COL22A1: variants seen among roughly 807,000 people sequenced by gnomAD.
COL22A1 encodes collagen alpha-1(XXII) chain.
COL22A1 carries 221 observed loss-of-function variants against 248.9 expected under a neutral mutation model. The observed-to-expected ratio is 0.89, with a 90% CI of 0.80 to 0.99. The LOEUF (loss-of-function observed/expected upper bound fraction) is 0.99, where lower values mean the gene tolerates loss of function less well. Among genes scored for constraint, COL22A1 ranks in the 50% least tolerant of loss-of-function variants. The pLI is 0.00. For missense variants in COL22A1, 2,240 were observed against 2,179.0 expected, an observed-to-expected ratio of 1.03 and a Z score of -0.56; for synonymous variants, 891 against 793.4, an observed-to-expected ratio of 1.12 and a Z score of -2.07.
At chr8:138,755,038 G>A (rs1445062283) in intron 21 of COL22A1, 119 bp downstream of exon 21, 11 of 983,272 alleles carry the variant, frequency 1.1e-5, no homozygotes, top group Non-Finnish European at 1.6e-5. Context: ...ACCCACTCAG[G>A]TGATGTGAAG....
chr8:138,617,974 A>G (rs891810876), intron 53 of COL22A1, among the ~76,000 whole-genome samples: 1 of 152,168 alleles, frequency 6.6e-6, no homozygotes, highest in African/African-American at 2.4e-5. Context: ...GGGGCTTGGC[A>G]TCTTCCTCAA....
At chr8:138,656,059 C>A (rs1030824187) in intron 44 of COL22A1, 115 bp from the exon 45 acceptor site, 3 of 814,260 alleles carry the variant, frequency 3.7e-6, no homozygotes, top group South Asian at 1.5e-5. Context: ...ACACACTGCG[C>A]CGTGCGTGGG....
At chr8:138,900,382 T>C (rs1814460321) in intron 1 of COL22A1, among the ~76,000 whole-genome samples, 1 of 152,224 alleles carries the variant, frequency 6.6e-6, no homozygotes, top group Admixed American at 6.5e-5. Context: ...TGGAATTGGC[T>C]TCAGCCCTAC....
chr8:138,604,865 T>A lies in COL22A1; in HGVS notation c.4105-96A>T, dbSNP rs1818303303. On this transcript the variant is annotated intron_variant, in intron 58 of 64. Coordinates refer to ENST00000303045, the MANE Select transcript of COL22A1 (RefSeq NM_152888.3). Reference sequence around the variant, plus strand: ...AACTGACATTTCCACTCAAGTCATGTTCCAGCAAAGACAACAATCGATGGT... The same window carrying A: ...AACTGACATTTCCACTCAAGTCATGATCCAGCAAAGACAACAATCGATGGT... 3 of 1,075,388 alleles carry A rather than the reference T, an allele frequency of 2.8e-6. No individual in the cohort carries two copies. The East Asian group carries it at 7.7e-5, about 27-fold the overall frequency. The allele number at this position is 1,075,388 out of a possible 1,614,324, so 66.6% of individuals were successfully genotyped here.
At chr8:138,792,180 T>C (rs566870206) in intron 12 of COL22A1, among the ~76,000 whole-genome samples, 1 of 152,342 alleles carries the variant, frequency 6.6e-6, no homozygotes, top group African/African-American at 2.4e-5. Context: ...AGGTCCATCC[T>C]GTCCACTCCA....
intron 24 of COL22A1, 110 bp from the exon 25 acceptor site, chr8:138,724,778 C>T: frequency 2.0e-6 from 2 of 977,966 alleles, no homozygotes; most frequent in Non-Finnish European, 3.3e-6. Flanking sequence ...AGGAGGGCAC[C>T]CTGGGGCCTC....
At chr8:138,865,779 G>A (rs1822832053) in intron 3 of COL22A1, among the ~76,000 whole-genome samples, 4 of 145,618 alleles carry the variant, frequency 2.7e-5, no homozygotes. Context: ...GCCTCTGAGT[G>A]TATGTTTGTA....
chr8:138,762,083 A>G (rs1833531693), intron 17 of COL22A1, among the ~76,000 whole-genome samples: 1 of 152,158 alleles, frequency 6.6e-6, no homozygotes, highest in Admixed American at 6.5e-5. Flanking sequence ...GCTGTCTTGA[A>G]TCCTTCCCTC....
chr8:138,885,359 C>T (rs1024850764), intron 1 of COL22A1, among the ~76,000 whole-genome samples: 7 of 152,126 alleles, frequency 4.6e-5, no homozygotes, highest in Non-Finnish European at 1.5e-5. Context: ...CCCAAGGTCA[C>T]ACTCCTGGAA....
chr8:138,839,637 G>C (rs969715659), intron 4 of COL22A1, among the ~76,000 whole-genome samples: 7 of 152,160 alleles, frequency 4.6e-5, no homozygotes, highest in African/African-American at 1.7e-4. Context: ...CAGGTGAGGA[G>C]GGAGGGATGG....
intron 3 of COL22A1, among the ~76,000 whole-genome samples, chr8:138,870,387 G>A (rs919103349): frequency 6.6e-6 from 1 of 151,726 alleles, no homozygotes; most frequent in Non-Finnish European, 1.5e-5. Context: ...TGTGCAGTGT[G>A]TGGGGTATGC....
intron 59 of COL22A1, 151 bp from the exon 60 acceptor site, chr8:138,602,310 C>A: frequency 1.4e-6 from 1 of 715,720 alleles, no homozygotes; most frequent in Non-Finnish European, 2.4e-6. Context: ...TTTATGCCTA[C>A]ATGGTGGGGG....
intron 43 of COL22A1, among the ~76,000 whole-genome samples, chr8:138,661,694 C>G (rs979875313): frequency 6.6e-6 from 1 of 152,140 alleles, no homozygotes; most frequent in African/African-American, 2.4e-5. Flanking sequence ...AGGGGCAAGT[C>G]CCTGGAGAAG....
intron 44 of COL22A1, among the ~76,000 whole-genome samples, 193 bp from the exon 45 acceptor site, chr8:138,656,137 C>T (rs1347986123): frequency 6.6e-6 from 1 of 152,214 alleles, no homozygotes; most frequent in Non-Finnish European, 1.5e-5. Flanking sequence ...AAGACAGCAA[C>T]TGCACAGACT....
chr8:138,754,410 C>A (rs1586657431), intron 21 of COL22A1, among the ~76,000 whole-genome samples: 2 of 152,152 alleles, frequency 1.3e-5, no homozygotes, highest in Non-Finnish European at 1.5e-5. Flanking sequence ...TTTACCCCAG[C>A]AAAAACATAT....
intron 16 of COL22A1, among the ~76,000 whole-genome samples, chr8:138,764,366 T>C (rs1347983900): frequency 6.6e-6 from 1 of 152,218 alleles, no homozygotes; most frequent in Non-Finnish European, 1.5e-5. Context: ...AAACAAATAC[T>C]GAGGCTTCCT....
intron 41 of COL22A1, among the ~76,000 whole-genome samples, chr8:138,667,928 A>G (rs1249668414): frequency 6.6e-6 from 1 of 152,104 alleles, no homozygotes; most frequent in Admixed American, 6.5e-5. Flanking sequence ...ACTTAGCTGA[A>G]CCACAGAGAC....
At chr8:138,793,373 G>T (rs547309417) in intron 12 of COL22A1, among the ~76,000 whole-genome samples, 4 of 152,268 alleles carry the variant, frequency 2.6e-5, no homozygotes, top group Admixed American at 6.5e-5. Context: ...GAGCCCTAGG[G>T]GGCAAAGGCT....
chr8:138,595,709 A>G (rs981964659), intron 62 of COL22A1, among the ~76,000 whole-genome samples: 2 of 151,938 alleles, frequency 1.3e-5, no homozygotes, highest in South Asian at 4.2e-4. Context: ...GACAGGAAGG[A>G]GGGCCGTCTT....
Sources: allele counts gnomAD v4.1 joint callset (sites outside exome capture counted in the v4.1 genomes callset), GRCh38; gene constraint gnomAD v4.1.1; transcripts MANE v1.5; gene names NCBI Gene and HGNC (gene_info 2026-07-23, HGNC 2026-07-21).